The following NRXN1 variants were observed in gnomAD, a reference collection of about 807,000 sequenced individuals.
NRXN1 encodes the protein neurexin-1.
Under a neutral mutation model 150.9 loss-of-function variants are expected in NRXN1, and 39 were observed. That is an observed-to-expected ratio of 0.26 (90% confidence interval 0.20 to 0.34). The LOEUF (loss-of-function observed/expected upper bound fraction) is 0.34. NRXN1 is among the 10% of genes least tolerant of loss of function. NRXN1 has a pLI of 1.00. For missense variants in NRXN1, 1,815 were observed against 1,949.9 expected (o/e 0.93, Z 1.30); for synonymous variants, 924 against 757.0 (o/e 1.22, Z -3.62).
intron 2 of NRXN1, among the ~76,000 whole-genome samples, chr2:51,011,849 G>A (rs897381619): frequency 6.6e-6 from 1 of 151,960 alleles, no homozygotes; most frequent in African/African-American, 2.4e-5. Flanking sequence ...GGGACAAAAG[G>A]AGCAATGCCT....
chr2:50,436,262 T>G (rs1183960732), intron 17 of NRXN1, among the ~76,000 whole-genome samples: 1 of 152,144 alleles, frequency 6.6e-6, no homozygotes, highest in Non-Finnish European at 1.5e-5. Flanking sequence ...GACACCAGCC[T>G]GACCAACATG....
At chr2:50,429,230 A>T (rs992294710) in intron 17 of NRXN1, among the ~76,000 whole-genome samples, 2 of 151,816 alleles carry the variant, frequency 1.3e-5, no homozygotes, top group African/African-American at 4.8e-5. Context: ...TATGGAAATC[A>T]TCTCTTTTTT....
intron 5 of NRXN1, among the ~76,000 whole-genome samples, chr2:50,627,379 G>C: frequency 6.6e-6 from 1 of 151,170 alleles, no homozygotes; most frequent in Non-Finnish European, 1.5e-5. Flanking sequence ...GTGTGTGTGT[G>C]TGTGTGTGTG....
intron 18 of NRXN1, among the ~76,000 whole-genome samples, chr2:50,117,523 T>A (rs1431887283): frequency 6.6e-6 from 1 of 152,164 alleles, no homozygotes; most frequent in Non-Finnish European, 1.5e-5. Flanking sequence ...TTTAAAAATA[T>A]GTTTTTAATA....
chr2:49,979,682 A>G (rs1424912580), intron 21 of NRXN1, among the ~76,000 whole-genome samples: 1 of 152,216 alleles, frequency 6.6e-6, no homozygotes, highest in Non-Finnish European at 1.5e-5. Context: ...TTCAGTTTTT[A>G]AGAGATGGGA....
At chr2:50,181,686 G>C (rs554168096) in intron 18 of NRXN1, among the ~76,000 whole-genome samples, 1 of 152,156 alleles carries the variant, frequency 6.6e-6, no homozygotes, top group East Asian at 1.9e-4. Flanking sequence ...TTCCACGGAT[G>C]AGTTTTACTT....
chr2:50,190,847 A>G (rs1000163451), intron 18 of NRXN1, among the ~76,000 whole-genome samples: 7 of 152,138 alleles, frequency 4.6e-5, no homozygotes, highest in East Asian at 1.9e-4. Context: ...TCCCGACTGC[A>G]GGTGATCCAC....
At chr2:50,415,955 CAA>C (rs10585013) in intron 17 of NRXN1, among the ~76,000 whole-genome samples, 24,792 of 88,730 alleles carry the variant, frequency 0.28, 2,187 homozygotes, top group East Asian at 0.45. Flanking sequence ...CAACAACATA[CAA>C]AAAAAAAAAA....
At chr2:50,382,597 A>G (rs2081049417) in intron 17 of NRXN1, among the ~76,000 whole-genome samples, 1 of 152,204 alleles carries the variant, frequency 6.6e-6, no homozygotes. Context: ...CCAGGTCTGA[A>G]ATAGCCTATG....
chr2:50,721,026 T>C (rs1038544129), intron 5 of NRXN1, among the ~76,000 whole-genome samples: 1 of 152,218 alleles, frequency 6.6e-6, no homozygotes, highest in Non-Finnish European at 1.5e-5. Flanking sequence ...TGTTCATCTT[T>C]GAACCTCAAA....
At chr2:50,122,260 G>A (rs1010693263) in intron 18 of NRXN1, among the ~76,000 whole-genome samples, 1 of 152,204 alleles carries the variant, frequency 6.6e-6, no homozygotes, top group South Asian at 2.1e-4. Flanking sequence ...TGTTACCAGA[G>A]GTGATAAGGG....
chr2:50,522,259 C>G (rs1256300906), intron 12 of NRXN1, among the ~76,000 whole-genome samples: 1 of 152,078 alleles, frequency 6.6e-6, no homozygotes, highest in Non-Finnish European at 1.5e-5. Flanking sequence ...AAGAGAATAT[C>G]AAGTTTAGAA....
At chr2:50,799,899 CAT>C (rs766076735) in intron 5 of NRXN1, among the ~76,000 whole-genome samples, 5 of 152,186 alleles carry the variant, frequency 3.3e-5, no homozygotes, top group African/African-American at 4.8e-5. Flanking sequence ...TACAAACACA[CAT>C]ACACACACAC....
Position 49,949,731 on chromosome 2 carries a change from G to A in NRXN1, c.4129-5940C>T, listed in dbSNP as rs78786168. ...AAAGAATTGTCTCAGACAATGACAT[G>A]AGCATTGTATAACATTATTTAGCCT... On this transcript the variant is annotated intron_variant, in intron 21 of 22. Coordinates refer to ENST00000401669, the MANE Select transcript of NRXN1 (RefSeq NM_001330078.2). Among the ~76,000 whole-genome samples, 588 of 152,002 alleles carry A rather than the reference G, an allele frequency of 3.9e-3. 4 individuals carry two copies. The highest frequency in any genetic ancestry group is 0.014 in the African/African-American group (561 of 41,520).
At chr2:50,969,788 G>GA (rs1694724793) in intron 2 of NRXN1, among the ~76,000 whole-genome samples, 1 of 152,162 alleles carries the variant, frequency 6.6e-6, no homozygotes, top group South Asian at 2.1e-4. Flanking sequence ...AAGGTTTGCT[G>GA]AAAAAAATCA....
intron 2 of NRXN1, among the ~76,000 whole-genome samples, chr2:50,982,871 A>C (rs1697055988): frequency 6.6e-6 from 1 of 152,126 alleles, no homozygotes; most frequent in South Asian, 2.1e-4. Context: ...CTCTGTTTTT[A>C]AATAGTTTGC....
rs201044501 is a variant in NRXN1 at position 51,028,578 on chromosome 2, C to G, written c.-305G>C. The G allele has an allele frequency of 6.1e-6, 2 of 326,146 alleles. No homozygotes were observed. Among genetic ancestry groups the G allele is most frequent in the Non-Finnish European group, 1.1e-5 (2 of 179,950 alleles). 20.2% of individuals were successfully genotyped at this position (326,146 alleles called of 1,614,324 possible). On this transcript the variant is annotated 5_prime_UTR_variant, in exon 2 of 23. Transcript: ENST00000401669. Reference sequence around the variant, plus strand: ...GACAACGTTCTGGAAAAGGCTTCAACAAAAGATCAAGGGAAAGCACTGACC... The same window carrying G: ...GACAACGTTCTGGAAAAGGCTTCAAGAAAAGATCAAGGGAAAGCACTGACC...
At chr2:50,253,207 C>T (rs968501875) in intron 17 of NRXN1, among the ~76,000 whole-genome samples, 6 of 152,022 alleles carry the variant, frequency 3.9e-5, no homozygotes, top group African/African-American at 1.4e-4. Flanking sequence ...ATTTGACTCT[C>T]TCCTTGTCTA....
intron 6 of NRXN1, among the ~76,000 whole-genome samples, chr2:50,622,224 T>C (rs1415781682): frequency 1.3e-5 from 2 of 151,746 alleles, no homozygotes. Flanking sequence ...TTTTATTTGT[T>C]TGCCTTAGCT....
Sources: gnomAD v4.1 joint callset for allele counts (sites outside exome capture counted in the v4.1 genomes callset) on GRCh38, gnomAD v4.1.1 for gene constraint, MANE v1.5 for transcripts, NCBI Gene and HGNC (gene_info 2026-07-23, HGNC 2026-07-21) for gene names.